The following SGCZ variants were observed in gnomAD, a reference collection of about 807,000 sequenced individuals.
SGCZ encodes zeta-sarcoglycan.
SGCZ carries 40 observed loss-of-function variants against 41.3 expected under a neutral mutation model. That is an observed-to-expected ratio of 0.97 (90% CI 0.75 to 1.26). SGCZ has a LOEUF of 1.26. SGCZ is among the 50% of genes most tolerant of loss of function. The pLI is 0.00. For missense variants in SGCZ, 552 were observed against 369.8 expected (o/e 1.49, Z -4.04); for synonymous variants, 206 against 137.5 (o/e 1.50, Z -3.49).
At chr8:14,516,401 T>C (rs1212832980) in intron 2 of SGCZ, among the ~76,000 whole-genome samples, 1 of 151,974 alleles carries the variant, frequency 6.6e-6, no homozygotes, top group Non-Finnish European at 1.5e-5. Flanking sequence ...CTATATGGCA[T>C]AAAAAAGGGT....
At chr8:15,202,009 C>G (rs1800906942) in intron 1 of SGCZ, among the ~76,000 whole-genome samples, 1 of 152,052 alleles carries the variant, frequency 6.6e-6, no homozygotes, top group Admixed American at 6.5e-5. Flanking sequence ...ATTAGGGATG[C>G]TTTTTCATCT....
At chr8:14,295,539 G>A (rs1800978551) in intron 3 of SGCZ, among the ~76,000 whole-genome samples, 1 of 152,064 alleles carries the variant, frequency 6.6e-6, no homozygotes, top group Admixed American at 6.6e-5. Context: ...TAAGGGCTTA[G>A]GCTCTATTTT....
Position 14,796,397 on chromosome 8 carries a change from G to A in SGCZ, c.40-241471C>T, listed in dbSNP as rs547085600. On this transcript the variant is annotated intron_variant, in intron 1 of 7. Coordinates refer to ENST00000382080, the MANE Select transcript of SGCZ (RefSeq NM_139167.4). ...GCGTCTCAAGTTGCTGGTATTACAGGTGTGAGCCAGCATACTCATTCTATT... is the reference window on the plus strand; with the variant it reads ...GCGTCTCAAGTTGCTGGTATTACAGATGTGAGCCAGCATACTCATTCTATT... Among the ~76,000 whole-genome samples, 12 of 151,942 alleles carry A rather than the reference G, an allele frequency of 7.9e-5. No individual in the cohort carries two copies. The South Asian group carries it at 1.2e-3, about 16-fold the overall frequency.
intron 1 of SGCZ, among the ~76,000 whole-genome samples, chr8:14,992,211 A>T (rs944869987): frequency 1.3e-5 from 2 of 151,654 alleles, no homozygotes; most frequent in Non-Finnish European, 2.9e-5. Flanking sequence ...TTTACCTCTC[A>T]TCCAATCTAC....
chr8:14,360,057 A>T (rs529050645), intron 2 of SGCZ, among the ~76,000 whole-genome samples: 4 of 152,304 alleles, frequency 2.6e-5, no homozygotes, highest in African/African-American at 9.6e-5. Flanking sequence ...GATAAAATTC[A>T]AGATACTTTC....
chr8:14,580,458 ATTATTC>A (rs1804850669), intron 1 of SGCZ, among the ~76,000 whole-genome samples: 1 of 151,908 alleles, frequency 6.6e-6, no homozygotes, highest in Non-Finnish European at 1.5e-5. Flanking sequence ...GTATATTAAA[ATTATTC>A]TTATCATAAT....
intron 1 of SGCZ, among the ~76,000 whole-genome samples, chr8:14,594,778 A>T (rs919022440): frequency 6.6e-6 from 1 of 151,918 alleles, no homozygotes; most frequent in African/African-American, 2.4e-5. Context: ...CGTGAATTCT[A>T]GTAATTCAGT....
At chr8:15,176,248 G>A (rs1799998553) in intron 1 of SGCZ, among the ~76,000 whole-genome samples, 1 of 152,046 alleles carries the variant, frequency 6.6e-6, no homozygotes, top group South Asian at 2.1e-4. Context: ...TACTGTCTAG[G>A]GAAGTGTTAA....
intron 1 of SGCZ, among the ~76,000 whole-genome samples, chr8:14,792,630 A>C (rs939362629): frequency 6.6e-6 from 1 of 152,064 alleles, no homozygotes; most frequent in African/African-American, 2.4e-5. Flanking sequence ...GGTTTGTTGC[A>C]TATGTATACA....
chr8:15,228,206 T>C (rs1337172052), intron 1 of SGCZ, among the ~76,000 whole-genome samples: 1 of 152,234 alleles, frequency 6.6e-6, no homozygotes, highest in African/African-American at 2.4e-5. Flanking sequence ...GTTTGTATTG[T>C]AATTGGACTC....
At chr8:14,865,977 G>C (rs369763509) in intron 1 of SGCZ, among the ~76,000 whole-genome samples, 2 of 152,198 alleles carry the variant, frequency 1.3e-5, no homozygotes, top group East Asian at 3.9e-4. Context: ...GAATTGCTAA[G>C]TTTCTGGAGA....
intron 1 of SGCZ, among the ~76,000 whole-genome samples, chr8:15,103,400 C>CTAAA (rs3069836): frequency 0.6 from 85,509 of 143,116 alleles, 26,124 homozygotes; most frequent in Admixed American, 0.69. Flanking sequence ...GACCCTGTCT[C>CTAAA]TAAATAAATA....
intron 1 of SGCZ, among the ~76,000 whole-genome samples, chr8:14,903,227 T>G (rs1157811968): frequency 6.6e-6 from 1 of 152,116 alleles, no homozygotes; most frequent in Non-Finnish European, 1.5e-5. Flanking sequence ...GCAAATGTTT[T>G]TAAACATTCT....
intron 1 of SGCZ, among the ~76,000 whole-genome samples, chr8:14,807,221 T>G (rs956760793): frequency 2.4e-4 from 37 of 152,150 alleles, no homozygotes; most frequent in Non-Finnish European, 2.2e-4. Flanking sequence ...TGTTGGAAGT[T>G]CTGGCCAGGG....
chr8:14,807,033 G>A (rs530112847), intron 1 of SGCZ, among the ~76,000 whole-genome samples: 5 of 152,090 alleles, frequency 3.3e-5, no homozygotes, highest in Admixed American at 6.5e-5. Context: ...ATTCAACAAC[G>A]CTTCAGGCTA....
chr8:14,705,791 A>C (rs2117610616), intron 1 of SGCZ, among the ~76,000 whole-genome samples: 1 of 152,178 alleles, frequency 6.6e-6, no homozygotes, highest in African/African-American at 2.4e-5. Context: ...ATTCGGCATA[A>C]GGCCAATATT....
intron 2 of SGCZ, among the ~76,000 whole-genome samples, chr8:14,380,345 A>T (rs926174404): frequency 1.3e-5 from 2 of 152,010 alleles, no homozygotes; most frequent in African/African-American, 2.4e-5. Flanking sequence ...TTAGATAATC[A>T]CCTATATTTT....
Position 14,301,447 on chromosome 8 carries a change from C to A in SGCZ, c.336+22656G>T, listed in dbSNP as rs571571122. Among the ~76,000 whole-genome samples, 4 of 152,086 alleles carry A rather than the reference C, an allele frequency of 2.6e-5. No individual in the cohort carries two copies. In the East Asian group the frequency reaches 5.8e-4, roughly 22 times the overall value. On this transcript the variant is annotated intron_variant, in intron 3 of 7. Coordinates refer to ENST00000382080, the MANE Select transcript of SGCZ (RefSeq NM_139167.4). ...ATTATAACATGATACCTGTTTTACACTCAGATTCACCCTCGTCTTAGTTTG... is the reference window on the plus strand; with the variant it reads ...ATTATAACATGATACCTGTTTTACAATCAGATTCACCCTCGTCTTAGTTTG...
intron 5 of SGCZ, among the ~76,000 whole-genome samples, chr8:14,109,482 A>C (rs949905193): frequency 9.9e-5 from 15 of 152,152 alleles, no homozygotes; most frequent in Non-Finnish European, 2.1e-4. Context: ...ATCTTCTTCA[A>C]AGTTCTTGCT....
Sources: gnomAD v4.1 joint callset for allele counts (sites outside exome capture counted in the v4.1 genomes callset) on GRCh38, gnomAD v4.1.1 for gene constraint, MANE v1.5 for transcripts, NCBI Gene and HGNC (gene_info 2026-07-23, HGNC 2026-07-21) for gene names.